The following CEP135 variants were observed in gnomAD, a reference collection of about 807,000 sequenced individuals.
CEP135 encodes the protein centrosomal protein of 135 kDa.
A neutral mutation model predicts 157.3 loss-of-function variants in CEP135; 142 were observed. The observed-to-expected ratio is 0.90, with a 90% CI of 0.79 to 1.04. CEP135 has a LOEUF of 1.04. CEP135 is among the 50% of genes least tolerant of loss of function. The pLI, the probability that CEP135 is intolerant of heterozygous loss-of-function variation, is 0.00. For missense variants in CEP135, 1,317 were observed against 1,309.2 expected, an observed-to-expected ratio of 1.01 and a Z score of -0.09; for synonymous variants, 396 against 439.8, an observed-to-expected ratio of 0.90 and a Z score of 1.25.
intron 22 of CEP135, 53 bp downstream of exon 22, chr4:56,017,910 T>A: frequency 6.8e-7 from 1 of 1,469,954 alleles, no homozygotes; most frequent in Non-Finnish European, 9.3e-7. Context: ...CTACTCTAAT[T>A]ATTTTACTTT....
rs191813321 is a variant in CEP135, at chr4:56,024,527, G to C, written c.3347G>C (p.Arg1116Pro). The change falls in exon 25 of 26, where the codon CGA becomes CCA. Residue 1116 changes from arginine (R) to proline (P), a missense_variant. Transcript: ENST00000257287. ...ERERAIQEMR[R>P]HGLATPPLSS... ...GAACGAGCAATCCAAGAGATGCGTC[G>C]ACATGGTCTTGCTACACCACCCCTT... is the stretch of plus-strand genomic sequence containing the variant. 6.2e-7 allele frequency: 1 copy of C among 1,613,588 alleles called. No homozygotes were observed. The highest frequency in any genetic ancestry group is 1.3e-5 in the African/African-American group (1 of 74,922).
rs1315416885 is a variant in CEP135, at chr4:56,017,723, C to T, written c.2878C>T (p.Leu960=). ...AKAMSRLEEE[L]RHQEDEKATV... The stretch of plus-strand genomic sequence containing the variant: ...AGCCATGTCTCGATTAGAAGAAGAG[C>T]TGAGACATCAAGAAGATGAGAAAGC... Residue 960 remains leucine (L), a synonymous_variant, in exon 22 of 26, where the codon CTG becomes TTG. Coordinates refer to ENST00000257287, the MANE Select transcript of CEP135 (RefSeq NM_025009.5). The T allele has an allele frequency of 2.5e-6, 4 of 1,613,884 alleles. No homozygotes were observed. Among genetic ancestry groups the T allele is most frequent in the Middle Eastern group, 1.7e-4 (1 of 5,982 alleles).
chr4:55,985,465 T>C (rs1729549688), intron 14 of CEP135, 107 bp downstream of exon 14: 1 of 382,896 alleles, frequency 2.6e-6, no homozygotes, highest in Non-Finnish European at 4.4e-6. Context: ...TTATTTTTAT[T>C]TATTTTTTGA....
chr4:55,981,460 T>C (rs1729406851), intron 13 of CEP135, 81 bp downstream of exon 13: 30 of 1,306,846 alleles, frequency 2.3e-5, no homozygotes, highest in Non-Finnish European at 3.1e-5. Context: ...GTGAAGTTAC[T>C]ATTGGCCAAA....
chr4:56,019,592 C>A, intron 23 of CEP135, 37 bp downstream of exon 23: 1 of 1,522,862 alleles, frequency 6.6e-7, no homozygotes, highest in Non-Finnish European at 9.0e-7. Flanking sequence ...AAGACAATTG[C>A]TTGTGAAGGA....
At chr4:55,958,841 T>C (rs1297108145) in intron 5 of CEP135, among the ~76,000 whole-genome samples, 2 of 152,180 alleles carry the variant, frequency 1.3e-5, no homozygotes, top group Non-Finnish European at 2.9e-5. Flanking sequence ...CCCAGCACTT[T>C]GGTAGGCCGA....
chr4:55,958,184 C>T (rs1339209211), intron 5 of CEP135, among the ~76,000 whole-genome samples: 1 of 152,160 alleles, frequency 6.6e-6, no homozygotes, highest in Non-Finnish European at 1.5e-5. Flanking sequence ...CTGTTAATCC[C>T]AGCACTTTGG....
At chr4:55,980,051 G>T in intron 11 of CEP135, 92 bp from the exon 12 acceptor site, 1 of 1,048,812 alleles carries the variant, frequency 9.5e-7, no homozygotes, top group Non-Finnish European at 1.4e-6. Flanking sequence ...TGTTCTTTTT[G>T]TCTGGTAGCA....
intron 25 of CEP135, among the ~76,000 whole-genome samples, chr4:56,027,103 A>T (rs1731181151): frequency 6.6e-6 from 1 of 151,854 alleles, no homozygotes; most frequent in Non-Finnish European, 1.5e-5. Context: ...TTTCTCTTTC[A>T]CTTTGAGGAC....
chr4:56,003,846 A>T (rs2109720298), intron 17 of CEP135, among the ~76,000 whole-genome samples: 1 of 151,512 alleles, frequency 6.6e-6, no homozygotes, highest in South Asian at 2.1e-4. Context: ...TCAGCCTCCC[A>T]ATTAGCTGGT....
intron 21 of CEP135, among the ~76,000 whole-genome samples, chr4:56,012,829 T>G (rs932409693): frequency 2.0e-5 from 3 of 152,264 alleles, no homozygotes; most frequent in African/African-American, 4.8e-5. Context: ...TTTTGGCTGT[T>G]GTGAATAATG....
chr4:56,027,414 T>C (rs1731193102), intron 25 of CEP135, among the ~76,000 whole-genome samples: 1 of 152,204 alleles, frequency 6.6e-6, no homozygotes, highest in African/African-American at 2.4e-5. Context: ...TTGAGTAGTT[T>C]TGACAGACCC....
chr4:55,960,048 A>C, intron 6 of CEP135: 1 of 521,050 alleles, frequency 1.9e-6, no homozygotes, highest in Non-Finnish European at 3.3e-6. Flanking sequence ...ATTGAAGAGC[A>C]CTTATTTACT....
At chr4:56,025,695 A>G (rs1731135978) in intron 25 of CEP135, among the ~76,000 whole-genome samples, 1 of 152,138 alleles carries the variant, frequency 6.6e-6, no homozygotes, top group African/African-American at 2.4e-5. Context: ...ACCATATTGG[A>G]AAGGATAGGA....
rs1340488291 is a variant in CEP135, at chr4:56,031,944, A to G, written c.*596A>G. The G allele has an allele frequency of 6.6e-6, 1 of 152,212 alleles. No homozygotes were observed. The highest frequency in any genetic ancestry group is 2.4e-5 in the African/African-American group (1 of 41,460). The allele number at this position is 152,212 out of a possible 1,614,324, so 9.4% of individuals were successfully genotyped here. A position where few individuals can be genotyped will look rare whatever the true frequency, so the allele number is the denominator to read the frequency against. On this transcript the variant is annotated 3_prime_UTR_variant, in exon 26 of 26. Coordinates refer to ENST00000257287, the MANE Select transcript of CEP135 (RefSeq NM_025009.5). ...CTACCATATATAACGTGTTATTGCC[A>G]TCTAGAAGAACTATGATGAGAAAGA...
chr4:56,019,448 G>T lies in CEP135; in HGVS notation c.3108G>T (p.Leu1036Phe), dbSNP rs774074162. The T allele has an allele frequency of 6.2e-7, 1 of 1,613,850 alleles. No homozygotes were observed. The highest frequency in any genetic ancestry group is 8.5e-7 in the Non-Finnish European group (1 of 1,179,934). Residue 1036 changes from leucine to phenylalanine, a missense_variant, in exon 23 of 26, where the codon TTG (leucine) becomes TTT (phenylalanine). Transcript: ENST00000257287. Reference protein sequence around the residue: ...ERHTVKNLESLLATNRDKEFH... With the variant: ...ERHTVKNLESFLATNRDKEFH... The stretch of plus-strand genomic sequence containing the variant: ...ATACAGTTAAAAACCTCGAATCATT[G>T]TTGGCTACAAACAGAGATAAAGAAT...
rs138291324 is a variant in CEP135 at position 55,974,904 on chromosome 4, C to G, written c.1408C>G (p.Arg470Gly). ...ELERLQHIIQ[R>G]RSCSTSYSAR... ...AGAGAGACTCCAACATATAATACAG[C>G]GAAGATCTTGCTCTACAAGTTATAG... The change falls in exon 11 of 26, where the codon CGA becomes GGA. Residue 470 changes from arginine to glycine, a missense_variant. Physicochemically the swap from Arg to Gly is moderately radical, Grantham distance 125 (BLOSUM62 -2). Transcript: ENST00000257287. 1 of 1,613,046 alleles carries G rather than the reference C, an allele frequency of 6.2e-7. No homozygotes were observed. The highest frequency in any genetic ancestry group is 1.3e-5 in the African/African-American group (1 of 74,994).
rs1023560690 is a variant in CEP135 at position 56,019,851 on chromosome 4, A to G, written c.3215+296A>G. 2.6e-5 allele frequency among the ~76,000 whole-genome samples: 4 copies of G among 152,104 alleles called. No homozygotes were observed. In the East Asian group the frequency reaches 5.8e-4, roughly 22 times the overall value. ...CTACTCAGGAGGCTGAAGCGTGAGA[A>G]TCACTTGAACCCAGGAGGTGGAGGT... On this transcript the variant is annotated intron_variant, in intron 23 of 25. Coordinates refer to ENST00000257287, the MANE Select transcript of CEP135 (RefSeq NM_025009.5).
At position 56,009,326 on chromosome 4, in the gene CEP135, A is replaced by AT. The variant is rs979112889; in HGVS notation, c.2337-400dup. On this transcript the variant is annotated intron_variant, in intron 18 of 25. Coordinates refer to ENST00000257287, the MANE Select transcript of CEP135 (RefSeq NM_025009.5). ...CACGTGCCCGCCACCACACCCGGCT[A>AT]TTTTTTTTTGTATTTTTAGTAGAGA... Among the ~76,000 whole-genome samples the AT allele has an allele frequency of 4.1e-4, 61 of 150,444 alleles. No homozygotes were observed. The South Asian group carries it at 5.7e-3, about 14-fold the overall frequency.
Sources: allele counts gnomAD v4.1 joint callset (sites outside exome capture counted in the v4.1 genomes callset), GRCh38; gene constraint gnomAD v4.1.1; transcripts MANE v1.5; gene names NCBI Gene and HGNC (gene_info 2026-07-23, HGNC 2026-07-21).